The following FAM13A variants were observed in gnomAD, a reference collection of about 807,000 sequenced individuals.
FAM13A encodes protein FAM13A.
FAM13A carries 76 observed loss-of-function variants against 129.6 expected under a neutral mutation model. That is an observed-to-expected ratio of 0.59 (90% CI 0.49 to 0.71). The LOEUF is 0.71. Among genes scored for constraint, FAM13A ranks in the 30% least tolerant of loss-of-function variants. The pLI is 0.00. For synonymous variants in FAM13A, 443 were observed against 449.9 expected (o/e 0.98, Z 0.20); for missense variants, 1,108 against 1,249.3 (o/e 0.89, Z 1.70).
chr4:88,921,057 G>C (rs1271957828), intron 5 of FAM13A, among the ~76,000 whole-genome samples: 3 of 152,316 alleles, frequency 2.0e-5, no homozygotes, highest in African/African-American at 7.2e-5. Context: ...TATGTGAAAA[G>C]ACCAAATCTA....
At chr4:88,871,210 G>T (rs550637822) in intron 6 of FAM13A, among the ~76,000 whole-genome samples, 33 of 152,148 alleles carry the variant, frequency 2.2e-4, no homozygotes, top group Non-Finnish European at 4.7e-4. Context: ...CAGAAAAGCT[G>T]GACATTCTAA....
chr4:88,990,777 TA>T, intron 4 of FAM13A, 195 bp downstream of exon 4: 1 of 447,668 alleles, frequency 2.2e-6, no homozygotes, highest in Non-Finnish European at 3.9e-6. Context: ...TATAGTTTTG[TA>T]AAAAGGGCAT....
chr4:88,967,887 A>G (rs1759551644), intron 4 of FAM13A, among the ~76,000 whole-genome samples: 1 of 152,190 alleles, frequency 6.6e-6, no homozygotes, highest in African/African-American at 2.4e-5. Context: ...TCCGGGTATC[A>G]CGTCTCTTAA....
intron 14 of FAM13A, chr4:88,753,588 G>T (rs760282136): frequency 2.8e-4 from 205 of 720,278 alleles, no homozygotes; most frequent in Non-Finnish European, 3.4e-4. Flanking sequence ...GAAGTGAAAG[G>T]TTTCTCATCT....
At chr4:89,049,262 C>G (rs1340724479) in intron 1 of FAM13A, among the ~76,000 whole-genome samples, 1 of 140,056 alleles carries the variant, frequency 7.1e-6, no homozygotes, top group Non-Finnish European at 1.6e-5. Context: ...GACCCTAACT[C>G]AAAAAAAAAA....
chr4:88,735,953 T>TA (rs1248848700), intron 21 of FAM13A, among the ~76,000 whole-genome samples: 4 of 152,186 alleles, frequency 2.6e-5, no homozygotes, highest in Non-Finnish European at 5.9e-5. Flanking sequence ...AAACCCTTAT[T>TA]AAGTGTCTAC....
chr4:88,781,014 GAAATAC>G (rs1326939212), intron 11 of FAM13A, 145 bp downstream of exon 11: 1 of 403,712 alleles, frequency 2.5e-6, no homozygotes, highest in Admixed American at 4.5e-5. Context: ...TTATTAAAAA[GAAATAC>G]AAATATATAT....
At chr4:88,799,215 G>T (rs1726897289) in intron 8 of FAM13A, among the ~76,000 whole-genome samples, 1 of 152,140 alleles carries the variant, frequency 6.6e-6, no homozygotes, top group Admixed American at 6.5e-5. Flanking sequence ...CTGTTGGTCT[G>T]GTTCTGTGTA....
At chr4:88,742,557 T>G (rs144719618) in intron 19 of FAM13A, among the ~76,000 whole-genome samples, 3 of 152,328 alleles carry the variant, frequency 2.0e-5, no homozygotes, top group African/African-American at 7.2e-5. Flanking sequence ...ATAATCATTT[T>G]CATAATATAT....
chr4:88,818,587 C>A (rs1427997403), intron 7 of FAM13A, among the ~76,000 whole-genome samples: 1 of 152,118 alleles, frequency 6.6e-6, no homozygotes, highest in Non-Finnish European at 1.5e-5. Flanking sequence ...TATTTGGGCT[C>A]CATGGGTAAT....
chr4:88,800,446 A>C (rs1727196622), intron 8 of FAM13A, among the ~76,000 whole-genome samples: 1 of 152,148 alleles, frequency 6.6e-6, no homozygotes, highest in Admixed American at 6.5e-5. Flanking sequence ...GCACTTTGGG[A>C]GGCCGAGGTG....
rs149336864 is a variant in FAM13A at position 88,997,321 on chromosome 4, A to C, written c.428-6171T>G. 3.2e-4 allele frequency among the ~76,000 whole-genome samples: 48 copies of C among 152,320 alleles called. No homozygotes were observed. The East Asian group carries it at 5.0e-3, about 16-fold the overall frequency. On this transcript the variant is annotated intron_variant, in intron 3 of 23. Coordinates refer to ENST00000264344, the MANE Select transcript of FAM13A (RefSeq NM_014883.4). Reference sequence around the variant, plus strand: ...TGACATCAATCTTAGGACAAAAACTATCTCTCTCCATTAGTGAAAAGTGCT... The same window carrying C: ...TGACATCAATCTTAGGACAAAAACTCTCTCTCTCCATTAGTGAAAAGTGCT...
chr4:88,739,939 C>T (rs1380113502), intron 19 of FAM13A, among the ~76,000 whole-genome samples: 1 of 152,040 alleles, frequency 6.6e-6, no homozygotes, highest in Non-Finnish European at 1.5e-5. Context: ...ATCTGTGTAT[C>T]CCTAAAATCT....
chr4:88,848,421 C>T (rs541021453), intron 7 of FAM13A, among the ~76,000 whole-genome samples: 1 of 152,286 alleles, frequency 6.6e-6, no homozygotes, highest in Non-Finnish European at 1.5e-5. Context: ...AACGTGCCTA[C>T]ATTTGATTCA....
Position 88,750,414 on chromosome 4 carries a change from A to G in FAM13A, c.1940+10T>C, listed in dbSNP as rs752030241. The G allele has an allele frequency of 3.1e-6, 5 of 1,607,332 alleles. No individual in the cohort carries two copies. The highest frequency in any genetic ancestry group is 1.7e-5 in the Admixed American group (1 of 60,028). ...ATGCATTTGTCTATCAGCAACACAG[A>G]GAAACATACCTCATGAAAGAATGGG... On this transcript the variant is annotated intron_variant, in intron 15 of 23. Coordinates refer to ENST00000264344, the MANE Select transcript of FAM13A (RefSeq NM_014883.4).
chr4:88,751,388 T>G (rs146924381), intron 14 of FAM13A, among the ~76,000 whole-genome samples: 14 of 152,312 alleles, frequency 9.2e-5, no homozygotes, highest in Non-Finnish European at 1.8e-4. Context: ...GCCTATGTAT[T>G]TAGGAGTTTA....
intron 5 of FAM13A, among the ~76,000 whole-genome samples, chr4:88,926,276 A>G (rs1024617575): frequency 6.6e-6 from 1 of 152,170 alleles, no homozygotes; most frequent in African/African-American, 2.4e-5. Flanking sequence ...AGCCCACAGA[A>G]GTATAACTTT....
chr4:88,888,259 C>G (rs531893010), intron 6 of FAM13A, among the ~76,000 whole-genome samples: 75 of 152,318 alleles, frequency 4.9e-4, no homozygotes, highest in African/African-American at 1.6e-3. Context: ...ATGGTTTATT[C>G]TGCTTATTTG....
At chr4:89,003,485 C>T (rs1764563150) in intron 3 of FAM13A, among the ~76,000 whole-genome samples, 1 of 151,896 alleles carries the variant, frequency 6.6e-6, no homozygotes, top group Admixed American at 6.6e-5. Context: ...TTGGTGCACA[C>T]CTGTAATCCC....
Sources: gnomAD v4.1 joint callset for allele counts (sites outside exome capture counted in the v4.1 genomes callset) on GRCh38, gnomAD v4.1.1 for gene constraint, MANE v1.5 for transcripts, NCBI Gene and HGNC (gene_info 2026-07-23, HGNC 2026-07-21) for gene names.